The following OAS1 variants were observed in gnomAD, a reference collection of about 807,000 sequenced individuals.
The protein encoded by OAS1 is 2'-5'-oligoadenylate synthase 1.
OAS1 carries 24 observed loss-of-function variants against 38.5 expected under a neutral mutation model. The observed-to-expected ratio is 0.62, with a 90% CI of 0.45 to 0.88. The LOEUF is 0.88. OAS1 is among the 40% of genes least tolerant of loss of function. The probability of loss-of-function intolerance (pLI) is 0.00; values close to 1 mark genes in which losing one functional copy is unlikely to be tolerated. For synonymous variants in OAS1, 169 were observed against 193.9 expected (o/e 0.87, Z 1.07); for missense variants, 482 against 493.9 (o/e 0.98, Z 0.23).
At chr12:112,930,273 C>A (rs932308754) in intron 6 of OAS1, among the ~76,000 whole-genome samples, 3 of 152,152 alleles carry the variant, frequency 2.0e-5, no homozygotes, top group African/African-American at 7.2e-5. Context: ...CCTGCAGAAC[C>A]ATGAGCCGAT....
In OAS1 at chr12:112,916,577, G is replaced by A; in HGVS notation, c.723G>A (p.Glu241=). The A allele has an allele frequency of 6.2e-7, 1 of 1,614,164 alleles. No homozygotes were observed. The highest frequency in any genetic ancestry group is 1.1e-5 in the South Asian group (1 of 91,080). ...AGCTCCTGACGGTCTATGCTTGGGA[G>A]CGAGGGAGCATGAAAACACATTTCA... ...ALELLTVYAW[E]RGSMKTHFNT... is the part of the protein sequence containing the mutation. Residue 241 remains glutamate (E), a synonymous_variant, in exon 4 of 6, where the codon GAG becomes GAA. Coordinates refer to ENST00000202917, the MANE Select transcript of OAS1 (RefSeq NM_016816.4).
intron 4 of OAS1, among the ~76,000 whole-genome samples, 181 bp from the exon 5 acceptor site, chr12:112,917,366 T>C (rs899241545): frequency 1.3e-5 from 2 of 152,204 alleles, no homozygotes; most frequent in East Asian, 3.9e-4. Flanking sequence ...GCAAGGCTCC[T>C]TCTCCTCATG....
intron 3 of OAS1, among the ~76,000 whole-genome samples, chr12:112,912,864 A>T (rs1297177822): frequency 6.6e-6 from 1 of 152,174 alleles, no homozygotes; most frequent in Non-Finnish European, 1.5e-5. Context: ...CCTCCAACTT[A>T]TATGCTACAT....
chr12:112,914,053 T>A (rs1050973940), intron 3 of OAS1, among the ~76,000 whole-genome samples: 1 of 152,204 alleles, frequency 6.6e-6, no homozygotes, highest in Admixed American at 6.5e-5. Flanking sequence ...CAGTGTACAT[T>A]GTACCCAATG....
chr12:112,919,318 G>T (rs550371903), intron 5 of OAS1, 71 bp from the exon 6 acceptor site: 3 of 1,395,196 alleles, frequency 2.2e-6, no homozygotes, highest in Non-Finnish European at 3.0e-6. Context: ...AGTGTCTACC[G>T]TAAATGCTCA....
intron 6 of OAS1, among the ~76,000 whole-genome samples, chr12:112,925,456 C>A (rs1318661010): frequency 6.6e-6 from 1 of 152,190 alleles, no homozygotes; most frequent in South Asian, 2.1e-4. Context: ...GGGCTCAAAT[C>A]CTGCTTCTGA....
At chr12:112,909,135 C>T (rs1188121603) in intron 2 of OAS1, 13 of 409,418 alleles carry the variant, frequency 3.2e-5, no homozygotes, top group Non-Finnish European at 5.1e-5. Flanking sequence ...GCTTAAAGTT[C>T]ATGTTACTCT....
rs773489189 is a variant in OAS1 at position 112,907,239 on chromosome 12, GC to G, written c.180+22del. On this transcript the variant is annotated intron_variant, in intron 1 of 5. Transcript: ENST00000202917. Reference sequence around the variant, plus strand: ...GTAAAGGTGAGTCCAGGCCTGCCTGGCCAGGGGAGGGGTGGCTGAATGTGCA... The same window carrying G: ...GTAAAGGTGAGTCCAGGCCTGCCTGGCAGGGGAGGGGTGGCTGAATGTGCA... 6.2e-7 allele frequency: 1 copy of G among 1,611,018 alleles called. No individual in the cohort carries two copies. Among genetic ancestry groups the G allele is most frequent in the Non-Finnish European group, 8.5e-7 (1 of 1,177,554 alleles).
chr12:112,931,642 C>G (rs1030933912), intron 6 of OAS1, among the ~76,000 whole-genome samples: 5 of 152,342 alleles, frequency 3.3e-5, no homozygotes, highest in Non-Finnish European at 5.9e-5. Flanking sequence ...GACCATCTGA[C>G]TCTAAAACAT....
intron 3 of OAS1, among the ~76,000 whole-genome samples, chr12:112,911,813 T>C (rs2043387362): frequency 6.6e-6 from 1 of 152,216 alleles, no homozygotes; most frequent in Non-Finnish European, 1.5e-5. Flanking sequence ...GGAGTACACA[T>C]AATAAAAGCT....
downstream of OAS1, among the ~76,000 whole-genome samples, chr12:112,923,336 A>G (rs2043541496): frequency 6.6e-6 from 1 of 152,222 alleles, no homozygotes. Context: ...AACAGTGTGC[A>G]AGAGTTCCCA....
At chr12:112,928,635 G>A (rs2043575746) in intron 6 of OAS1, among the ~76,000 whole-genome samples, 1 of 152,208 alleles carries the variant, frequency 6.6e-6, no homozygotes, top group South Asian at 2.1e-4. Context: ...TTTGGAGATG[G>A]CAGAAGCACA....
At chr12:112,908,987 C>A in intron 2 of OAS1, 163 bp downstream of exon 2, 1 of 652,674 alleles carries the variant, frequency 1.5e-6, no homozygotes. Flanking sequence ...TGATCTATCA[C>A]AGGAGAGACA....
At chr12:112,932,938 C>T (rs913616655), downstream of OAS1, 5 of 152,228 alleles carry the variant, frequency 3.3e-5, no homozygotes, top group African/African-American at 4.8e-5. Context: ...CCAGGCAAGT[C>T]GCTCAGCTTC....
chr12:112,927,566 CAT>C (rs2043567535), intron 6 of OAS1, among the ~76,000 whole-genome samples: 1 of 152,196 alleles, frequency 6.6e-6, no homozygotes, highest in South Asian at 2.1e-4. Context: ...CAGTCTCCCA[CAT>C]GACAGCTTTG....
At chr12:112,925,367 C>A (rs1252362344) in intron 6 of OAS1, among the ~76,000 whole-genome samples, 1 of 152,170 alleles carries the variant, frequency 6.6e-6, no homozygotes, top group African/African-American at 2.4e-5. Flanking sequence ...CCTCTCCCAG[C>A]CAACCGCAGG....
chr12:112,926,520 CT>C (rs1486662300), intron 6 of OAS1, among the ~76,000 whole-genome samples: 2 of 150,768 alleles, frequency 1.3e-5, no homozygotes, highest in South Asian at 2.1e-4. Flanking sequence ...GTGGTGCCCC[CT>C]GAGCCATAAA....
downstream of OAS1, among the ~76,000 whole-genome samples, chr12:112,922,401 A>G (rs570116955): frequency 2.6e-5 from 4 of 152,186 alleles, no homozygotes; most frequent in South Asian, 2.1e-4. Context: ...CCCTTTCAAG[A>G]TACTCATCCA....
rs112646991 is a variant in OAS1 at position 112,930,737 on chromosome 12, GGGTT to G, written c.1168-1140_1168-1137del. Among the ~76,000 whole-genome samples, 7 of 152,370 alleles carry G rather than the reference GGGTT, an allele frequency of 4.6e-5. 1 individual carries two copies. The highest frequency in any genetic ancestry group is 1.7e-4 in the African/African-American group (7 of 41,596). ...TACAGAATAAATCTGAACAAAATCA[GGGTT>G]CATTTTAATAGCAACAGGCTGCTGA... On this transcript the variant is annotated intron_variant, in intron 6 of 6. Coordinates refer to the OAS1 transcript ENST00000540589.
Sources: allele counts gnomAD v4.1 joint callset (sites outside exome capture counted in the v4.1 genomes callset), GRCh38; gene constraint gnomAD v4.1.1; transcripts MANE v1.5; gene names NCBI Gene and HGNC (gene_info 2026-07-23, HGNC 2026-07-21).